CDH4: variants seen among roughly 807,000 people sequenced by gnomAD.
CDH4 encodes the protein cadherin 4.
CDH4 carries 33 observed loss-of-function variants against 86.0 expected under a neutral mutation model. The ratio of observed to expected loss-of-function variants is 0.38; its 90% CI spans 0.29 to 0.51. The LOEUF is 0.51. Among genes scored for constraint, CDH4 ranks in the 20% least tolerant of loss-of-function variants. The pLI is 0.86. For synonymous variants in CDH4, 555 were observed against 549.4 expected, an observed-to-expected ratio of 1.01 and a Z score of -0.14; for missense variants, 1,114 against 1,307.4, an observed-to-expected ratio of 0.85 and a Z score of 2.28.
Position 61,480,035 on chromosome 20 carries a change from C to A in CDH4, c.169+225098C>A, listed in dbSNP as rs907568049. Among the ~76,000 whole-genome samples, 1 of 152,052 alleles carries A rather than the reference C, an allele frequency of 6.6e-6. No homozygotes were observed. Among genetic ancestry groups the A allele is most frequent in the South Asian group, 2.1e-4 (1 of 4,822 alleles). On this transcript the variant is annotated intron_variant, in intron 2 of 15. Transcript: ENST00000614565. This position sits in a 1 kb window ranked among gnomAD's most constrained non-coding sequence, Gnocchi z 5.2. Reference sequence around the variant, plus strand: ...AGTTTTCATCTATAGAAGTCTGATTCGGGACATCTTTTGTGTCTTGATCTG... The same window carrying A: ...AGTTTTCATCTATAGAAGTCTGATTAGGGACATCTTTTGTGTCTTGATCTG...
chr20:61,667,864 C>T (rs1600856441), intron 2 of CDH4, among the ~76,000 whole-genome samples: 5 of 152,328 alleles, frequency 3.3e-5, no homozygotes, highest in Admixed American at 1.3e-4. Flanking sequence ...ACAGGAAATG[C>T]ACGTCTTAAA....
In CDH4 at chr20:61,807,996, A is replaced by T. The variant is rs1980230148; in HGVS notation, c.576+34814A>T. On this transcript the variant is annotated intron_variant, in intron 4 of 15. Coordinates refer to ENST00000614565, the MANE Select transcript of CDH4 (RefSeq NM_001794.5). The surrounding 1 kb of genome is among the most constrained non-coding windows in gnomAD (Gnocchi z 4.5). ...CAGCGATGAGCCCACACACGTCTCC[A>T]GCCCTGACAATGAACCAGTAATCCA... Among the ~76,000 whole-genome samples the T allele has an allele frequency of 6.6e-6, 1 of 152,222 alleles. No homozygotes were observed. The highest frequency in any genetic ancestry group is 1.5e-5 in the Non-Finnish European group (1 of 68,040).
intron 8 of CDH4, among the ~76,000 whole-genome samples, chr20:61,908,376 G>A (rs16985703): frequency 0.039 from 5,990 of 152,186 alleles, 251 homozygotes; most frequent in African/African-American, 0.11. Flanking sequence ...GTATTTCCCC[G>A]GACCCTGTTC....
chr20:61,805,169 G>A (rs1980058768), intron 4 of CDH4, among the ~76,000 whole-genome samples: 1 of 152,202 alleles, frequency 6.6e-6, no homozygotes, highest in Admixed American at 6.5e-5. Flanking sequence ...ACGGTGCTGA[G>A]AAGACTCTAG....
intron 5 of CDH4, among the ~76,000 whole-genome samples, chr20:61,848,038 A>G (rs947982185): frequency 6.6e-6 from 1 of 152,244 alleles, no homozygotes; most frequent in African/African-American, 2.4e-5. Context: ...CTTTCTGCCT[A>G]ATGCATATGC....
intron 3 of CDH4, among the ~76,000 whole-genome samples, chr20:61,772,646 G>A (rs1292486681): frequency 1.3e-5 from 2 of 152,154 alleles, no homozygotes; most frequent in South Asian, 4.1e-4. Flanking sequence ...GTGGGAAAAC[G>A]TATTAGTCTT....
At chr20:61,333,234 CAT>C (rs1317581003) in intron 2 of CDH4, among the ~76,000 whole-genome samples, 1 of 151,232 alleles carries the variant, frequency 6.6e-6, no homozygotes, top group African/African-American at 2.4e-5. Context: ...CGCATGCACA[CAT>C]ATGCACAGGC....
chr20:61,606,891 C>T (rs1362718317), intron 2 of CDH4, among the ~76,000 whole-genome samples: 5 of 152,356 alleles, frequency 3.3e-5, no homozygotes, highest in South Asian at 2.1e-4. Flanking sequence ...TCCAGGCTAC[C>T]GCCGGGATGT....
chr20:61,422,974 A>T (rs1378956850), intron 2 of CDH4, among the ~76,000 whole-genome samples: 1 of 152,178 alleles, frequency 6.6e-6, no homozygotes, highest in Non-Finnish European at 1.5e-5. Context: ...AAAACCTTAC[A>T]CGGTGTGGGA....
chr20:61,378,028 C>T (rs1043260364), intron 2 of CDH4, among the ~76,000 whole-genome samples: 22 of 152,254 alleles, frequency 1.4e-4, no homozygotes, highest in African/African-American at 5.3e-4. Flanking sequence ...CCGAGGTGGG[C>T]GATCGCTTGA....
intron 2 of CDH4, among the ~76,000 whole-genome samples, chr20:61,695,215 C>A (rs2087703508): frequency 6.6e-6 from 1 of 152,210 alleles, no homozygotes; most frequent in Admixed American, 6.5e-5. Context: ...GGTCACCGAA[C>A]AAGGAGAGGA....
At chr20:61,372,301 C>A (rs1043125315) in intron 2 of CDH4, among the ~76,000 whole-genome samples, 3 of 152,194 alleles carry the variant, frequency 2.0e-5, no homozygotes, top group Admixed American at 2.0e-4. Context: ...ACAGAGGCAG[C>A]CGCAATGGGA....
chr20:61,503,945 G>A (rs2085722144), intron 2 of CDH4, among the ~76,000 whole-genome samples: 1 of 152,200 alleles, frequency 6.6e-6, no homozygotes, highest in South Asian at 2.1e-4. Flanking sequence ...AGAAGAACAT[G>A]AGCCAGGTCG....
intron 4 of CDH4, among the ~76,000 whole-genome samples, chr20:61,820,011 C>T (rs1375906535): frequency 1.3e-5 from 2 of 152,192 alleles, no homozygotes; most frequent in African/African-American, 2.4e-5. Flanking sequence ...TGACTTTTCC[C>T]GGGGACCGTG....
intron 6 of CDH4, among the ~76,000 whole-genome samples, chr20:61,860,171 C>A (rs1036255263): frequency 6.6e-6 from 1 of 152,264 alleles, no homozygotes; most frequent in Admixed American, 6.5e-5. Context: ...ATAATACATT[C>A]TGGCTCAAAA....
In CDH4 at chr20:61,270,858, G is replaced by A. The variant is rs531730759; in HGVS notation, c.169+15921G>A. Among the ~76,000 whole-genome samples the A allele has an allele frequency of 8.5e-5, 13 of 152,244 alleles. No homozygotes were observed. In the East Asian group the frequency reaches 2.3e-3, roughly 27 times the overall value. ...GTCGAGGCAGCTCTGGAGTGGTGAGGATGTCTTCCTGTCTTCCTCTGGGGT... is the reference window on the plus strand; with the variant it reads ...GTCGAGGCAGCTCTGGAGTGGTGAGAATGTCTTCCTGTCTTCCTCTGGGGT... On this transcript the variant is annotated intron_variant, in intron 2 of 15. Coordinates refer to ENST00000614565, the MANE Select transcript of CDH4 (RefSeq NM_001794.5).
At chr20:61,817,819 G>A (rs187115934) in intron 4 of CDH4, among the ~76,000 whole-genome samples, 43 of 152,314 alleles carry the variant, frequency 2.8e-4, no homozygotes, top group African/African-American at 1.0e-3. Flanking sequence ...AGAGAGTGGA[G>A]GCCAACGCAC....
Position 61,924,432 on chromosome 20 carries a change from C to T in CDH4, c.1727C>T (p.Thr576Ile), listed in dbSNP as rs1357387538. The change falls in exon 11 of 16, where the codon ACC becomes ATC. Residue 576 changes from threonine to isoleucine, a missense_variant. Physicochemically the swap from Thr to Ile is moderately conservative, Grantham distance 89. This residue lies in a region of CDH4 where 705 missense variants were observed against 914.1 expected (regional missense o/e 0.77). Transcript: ENST00000614565. ...GTGCTGGACCGTGAGTCCCTCTACA[C>T]CAAAAACAACGTCTACGAGGCCACC... ...AAVLDRESLY[T>I]KNNVYEATFL... The T allele has an allele frequency of 6.2e-7, 1 of 1,613,756 alleles. No homozygotes were observed. Among genetic ancestry groups the T allele is most frequent in the Admixed American group, 1.7e-5 (1 of 59,996 alleles).
chr20:61,321,930 TATA>T lies in CDH4; in HGVS notation c.169+67001_169+67003del, dbSNP rs1022300991. Among the ~76,000 whole-genome samples, 6 of 151,208 alleles carry T rather than the reference TATA, an allele frequency of 4.0e-5. 1 individual carries two copies. Among genetic ancestry groups the T allele is most frequent in the Admixed American group, 3.3e-4 (5 of 15,140 alleles). On this transcript the variant is annotated intron_variant, in intron 2 of 15. Transcript: ENST00000614565. ...AAGAATAATATATTGTAGCATATAT[TATA>T]ATAATAAATATTATATAATAATATA...
Sources: allele counts gnomAD v4.1 joint callset (sites outside exome capture counted in the v4.1 genomes callset), GRCh38; gene constraint gnomAD v4.1.1; regional missense constraint gnomAD v4.1.1; non-coding constraint Gnocchi (gnomAD v3.1); transcripts MANE v1.5; gene names NCBI Gene and HGNC (gene_info 2026-07-23, HGNC 2026-07-21).